The following GALNT17 variants were observed in gnomAD, a reference collection of about 807,000 sequenced individuals.
GALNT17 encodes polypeptide N-acetylgalactosaminyltransferase 17.
GALNT17 carries 29 observed loss-of-function variants against 63.7 expected under a neutral mutation model. The observed-to-expected ratio is 0.46, with a 90% CI of 0.34 to 0.62. GALNT17 has a LOEUF of 0.62. Ranked by LOEUF, GALNT17 falls within the 20% of genes least tolerant of loss-of-function variation. GALNT17 has a pLI of 0.01. For missense variants in GALNT17, 603 were observed against 799.6 expected, an observed-to-expected ratio of 0.75 and a Z score of 2.97; for synonymous variants, 305 against 318.3, an observed-to-expected ratio of 0.96 and a Z score of 0.45.
chr7:71,320,618 A>T (rs1422944169), intron 1 of GALNT17, among the ~76,000 whole-genome samples: 1 of 152,128 alleles, frequency 6.6e-6, no homozygotes, highest in Non-Finnish European at 1.5e-5. Flanking sequence ...GGGTCTTTTT[A>T]TGAAGAATTG....
chr7:71,685,303 G>C (rs974468613), intron 9 of GALNT17: 1 of 152,252 alleles, frequency 6.6e-6, no homozygotes, highest in Admixed American at 6.5e-5. Context: ...GAGATCCTCC[G>C]GTGCTAGGAT....
intron 6 of GALNT17, among the ~76,000 whole-genome samples, chr7:71,594,178 G>T (rs768434300): frequency 8.5e-5 from 13 of 152,100 alleles, no homozygotes; most frequent in Admixed American, 2.6e-4. Context: ...GGAGACACAG[G>T]GACCAGCTGG....
At chr7:71,420,885 A>T in intron 4 of GALNT17, 23 bp from the exon 5 acceptor site, 1 of 1,571,130 alleles carries the variant, frequency 6.4e-7, no homozygotes, top group Non-Finnish European at 8.7e-7. Context: ...GAGAGGTTTC[A>T]TGTCTATTTC....
intron 1 of GALNT17, among the ~76,000 whole-genome samples, chr7:71,330,534 A>T (rs1208691896): frequency 2.6e-5 from 4 of 152,136 alleles, no homozygotes; most frequent in Non-Finnish European, 1.5e-5. Flanking sequence ...AGGAGCTGGG[A>T]CTATAGGCAC....
chr7:71,138,392 G>A (rs1330721680), intron 1 of GALNT17, among the ~76,000 whole-genome samples: 1 of 152,010 alleles, frequency 6.6e-6, no homozygotes, highest in Non-Finnish European at 1.5e-5. Flanking sequence ...TTGTTGTAAA[G>A]GTCTTCATCC....
chr7:71,578,331 C>T (rs62461664), intron 6 of GALNT17, among the ~76,000 whole-genome samples: 52 of 151,978 alleles, frequency 3.4e-4, no homozygotes, highest in Non-Finnish European at 6.3e-4. Flanking sequence ...CCATCACACC[C>T]GGCCTACAAT....
intron 6 of GALNT17, among the ~76,000 whole-genome samples, chr7:71,573,074 T>C (rs1789476922): frequency 6.6e-6 from 1 of 151,900 alleles, no homozygotes; most frequent in Non-Finnish European, 1.5e-5. Flanking sequence ...AGTGGTGTGA[T>C]CTTGGCTCAC....
At chr7:71,316,931 T>C (rs1791510938) in intron 1 of GALNT17, among the ~76,000 whole-genome samples, 1 of 152,192 alleles carries the variant, frequency 6.6e-6, no homozygotes, top group African/African-American at 2.4e-5. Flanking sequence ...TTCAAAGACT[T>C]TCCACAAACT....
At chr7:71,504,726 A>G (rs981958676) in intron 5 of GALNT17, among the ~76,000 whole-genome samples, 2 of 151,834 alleles carry the variant, frequency 1.3e-5, no homozygotes, top group Non-Finnish European at 2.9e-5. Context: ...GCTGTCTGGT[A>G]TTTTTCAGTC....
chr7:71,373,786 A>G (rs570701210), intron 2 of GALNT17, among the ~76,000 whole-genome samples: 14 of 152,194 alleles, frequency 9.2e-5, no homozygotes, highest in Non-Finnish European at 1.9e-4. Context: ...TTCATGGAAA[A>G]ATTGCCTTCC....
At chr7:71,439,410 G>A (rs766013445) in intron 5 of GALNT17, among the ~76,000 whole-genome samples, 17 of 152,216 alleles carry the variant, frequency 1.1e-4, no homozygotes, top group East Asian at 3.9e-4. Flanking sequence ...TTCTTTTTGC[G>A]TGACACGCTG....
intron 1 of GALNT17, among the ~76,000 whole-genome samples, chr7:71,194,065 A>T (rs1789001761): frequency 6.6e-6 from 1 of 152,054 alleles, no homozygotes; most frequent in African/African-American, 2.4e-5. Context: ...TTTATTTTTG[A>T]GACAGGGTCT....
At chr7:71,185,498 C>CA (rs1233255558) in intron 1 of GALNT17, among the ~76,000 whole-genome samples, 1 of 151,220 alleles carries the variant, frequency 6.6e-6, no homozygotes, top group Non-Finnish European at 1.5e-5. Context: ...ATACCTGCCC[C>CA]ATTCTCTAAT....
intron 1 of GALNT17, among the ~76,000 whole-genome samples, chr7:71,178,874 A>T (rs1373739787): frequency 6.6e-6 from 1 of 151,912 alleles, no homozygotes; most frequent in African/African-American, 2.4e-5. Flanking sequence ...ATTTTTTTTA[A>T]ATGAATTTTT....
intron 1 of GALNT17, among the ~76,000 whole-genome samples, chr7:71,333,664 C>T (rs1278068890): frequency 6.6e-6 from 1 of 152,130 alleles, no homozygotes; most frequent in Non-Finnish European, 1.5e-5. Context: ...CCACACTCGG[C>T]TAATTTTTGT....
intron 1 of GALNT17, among the ~76,000 whole-genome samples, chr7:71,169,008 CACTGTCACCTCT>C (rs1176495715): frequency 6.6e-6 from 1 of 152,080 alleles, no homozygotes; most frequent in African/African-American, 2.4e-5. Flanking sequence ...AGAGTCCAGG[CACTGTCACCTCT>C]AATCCTTTGG....
chr7:71,542,695 C>CAA (rs10664146), intron 5 of GALNT17, among the ~76,000 whole-genome samples: 66,371 of 120,070 alleles, frequency 0.55, 19,114 homozygotes, highest in Non-Finnish European at 0.64. Context: ...GACTCCCTGT[C>CAA]AAAAAAAAAA....
chr7:71,387,165 T>C (rs1289114653), intron 2 of GALNT17, among the ~76,000 whole-genome samples: 1 of 151,688 alleles, frequency 6.6e-6, no homozygotes, highest in African/African-American at 2.4e-5. Flanking sequence ...GCTCTTGGGC[T>C]GAGGGAGCTG....
intron 6 of GALNT17, among the ~76,000 whole-genome samples, chr7:71,626,778 T>C (rs1350023227): frequency 6.6e-6 from 1 of 152,144 alleles, no homozygotes; most frequent in African/African-American, 2.4e-5. Context: ...AGAAATGAAG[T>C]TGAATTTCTG....
Sources: gnomAD v4.1 joint callset for allele counts (sites outside exome capture counted in the v4.1 genomes callset) on GRCh38, gnomAD v4.1.1 for gene constraint, MANE v1.5 for transcripts, NCBI Gene and HGNC (gene_info 2026-07-23, HGNC 2026-07-21) for gene names.